The following TXNL4A variants were observed in gnomAD, a reference collection of about 807,000 sequenced individuals.
TXNL4A encodes the protein thioredoxin like 4A.
A neutral mutation model predicts 14.6 loss-of-function variants in TXNL4A; 17 were observed. That is an observed-to-expected ratio of 1.16 (90% CI 0.80 to 1.74). TXNL4A has a LOEUF of 1.74. Among genes scored for constraint, TXNL4A ranks in the 40% most tolerant of loss-of-function variants. The probability of loss-of-function intolerance (pLI) is 0.00; values close to 1 mark genes in which losing one functional copy is unlikely to be tolerated. For missense variants in TXNL4A, 74 were observed against 195.2 expected, an observed-to-expected ratio of 0.38 and a Z score of 3.70; for synonymous variants, 83 against 70.6, an observed-to-expected ratio of 1.18 and a Z score of -0.88.
chr18:80,019,579 T>A (rs1221250949), intron 1 of TXNL4A, among the ~76,000 whole-genome samples: 1 of 152,236 alleles, frequency 6.6e-6, no homozygotes, highest in Non-Finnish European at 1.5e-5. Context: ...GTGGCATTTC[T>A]GCCCAGGGAT....
chr18:80,017,537 A>G (rs1372004484), intron 1 of TXNL4A, among the ~76,000 whole-genome samples: 1 of 152,158 alleles, frequency 6.6e-6, no homozygotes, highest in African/African-American at 2.4e-5. Flanking sequence ...GATACGTCCC[A>G]TCAATACCTA....
rs908472368 is a variant in TXNL4A, at chr18:79,971,011, G to C, written c.*2674C>G. ...ACATCAAAAATAAAACTGCCCATTA[G>C]CTGTCACCTCCTATTTCCCCCTCCC... On this transcript the variant is annotated 3_prime_UTR_variant, in exon 3 of 3. Transcript: ENST00000269601. 1 of 153,506 alleles carries C rather than the reference G, an allele frequency of 6.5e-6. No individual in the cohort carries two copies. The allele number at this position is 153,506 out of a possible 1,614,324, so 9.5% of individuals were successfully genotyped here.
At chr18:79,981,659 G>A (rs1274029443) in intron 1 of TXNL4A, among the ~76,000 whole-genome samples, 2 of 152,212 alleles carry the variant, frequency 1.3e-5, no homozygotes, top group Non-Finnish European at 2.9e-5. Flanking sequence ...AGGACAAAGC[G>A]AGACTCCTTC....
rs139872549 is a variant in TXNL4A, at chr18:79,973,683, C to T, written c.*2G>A. ...CATTTATCCGCGCAGACTGAGGGCG[C>T]CTCAGTAGCGGTACTTGGTGGAGTA... On this transcript the variant is annotated 3_prime_UTR_variant, in exon 3 of 3. Transcript: ENST00000269601. The T allele has an allele frequency of 1.2e-6, 2 of 1,611,340 alleles. No homozygotes were observed. Among genetic ancestry groups the T allele is most frequent in the Non-Finnish European group, 1.7e-6 (2 of 1,178,860 alleles).
At chr18:80,019,034 G>GA (rs1489304675) in intron 1 of TXNL4A, among the ~76,000 whole-genome samples, 1 of 152,138 alleles carries the variant, frequency 6.6e-6, no homozygotes, top group East Asian at 1.9e-4. Context: ...AAGCCTCTAG[G>GA]AAGTTCCAAA....
chr18:79,978,640 C>G (rs561178088), intron 1 of TXNL4A, among the ~76,000 whole-genome samples: 1 of 151,700 alleles, frequency 6.6e-6, no homozygotes, highest in African/African-American at 2.4e-5. Context: ...ACTACAGGCA[C>G]GTACCATCAC....
At chr18:80,014,747 T>C (rs1423889768) in intron 1 of TXNL4A, among the ~76,000 whole-genome samples, 2 of 152,202 alleles carry the variant, frequency 1.3e-5, no homozygotes, top group Non-Finnish European at 2.9e-5. Context: ...AGTTTCCCAG[T>C]AGGGACTCTG....
chr18:79,982,646 G>C lies in TXNL4A; in HGVS notation c.154-4945C>G, dbSNP rs1411072696. ...ACCAGAAAGGACGATATGGGAACGG[G>C]GACACTGCAGGGGCTGAAGGACTGA... On this transcript the variant is annotated intron_variant, in intron 1 of 2. Coordinates refer to ENST00000269601, the MANE Select transcript of TXNL4A (RefSeq NM_006701.5). The surrounding 1 kb of genome is among the most constrained non-coding windows in gnomAD (Gnocchi z 4.0). Among the ~76,000 whole-genome samples, 1 of 152,206 alleles carries C rather than the reference G, an allele frequency of 6.6e-6. No individual in the cohort carries two copies. The highest frequency in any genetic ancestry group is 1.5e-5 in the Non-Finnish European group (1 of 68,042).
At chr18:79,995,930 G>T (rs1222795822) in intron 1 of TXNL4A, among the ~76,000 whole-genome samples, 1 of 151,740 alleles carries the variant, frequency 6.6e-6, no homozygotes, top group Admixed American at 6.6e-5. Flanking sequence ...GTGAAACCCC[G>T]TCTCTACTAA....
upstream of TXNL4A, among the ~76,000 whole-genome samples, chr18:79,990,727 A>G (rs1312596156): frequency 6.6e-6 from 1 of 152,264 alleles, no homozygotes; most frequent in African/African-American, 2.4e-5. Context: ...AACAAGATTT[A>G]TCGCCTTAAT....
At chr18:80,010,946 G>A (rs2051765672) in intron 1 of TXNL4A, among the ~76,000 whole-genome samples, 1 of 152,154 alleles carries the variant, frequency 6.6e-6, no homozygotes, top group Middle Eastern at 3.4e-3. Flanking sequence ...CTGTTGGGGA[G>A]GTTGGGCATT....
chr18:80,012,428 A>C (rs2051776177), intron 1 of TXNL4A, among the ~76,000 whole-genome samples: 1 of 152,286 alleles, frequency 6.6e-6, no homozygotes, highest in South Asian at 2.1e-4. Context: ...AAAATAACAC[A>C]CTGGGGACCA....
upstream of TXNL4A, among the ~76,000 whole-genome samples, chr18:79,989,134 T>A (rs1484713702): frequency 6.6e-6 from 1 of 152,132 alleles, no homozygotes; most frequent in Non-Finnish European, 1.5e-5. Context: ...TAATTTGTCT[T>A]TTTATAAAGA....
At chr18:79,984,708 T>C (rs993976314) in intron 1 of TXNL4A, among the ~76,000 whole-genome samples, 4 of 152,246 alleles carry the variant, frequency 2.6e-5, no homozygotes, top group African/African-American at 9.6e-5. Context: ...CTTGACCTCC[T>C]GAGCTCATAC....
At chr18:79,980,959 G>A (rs758891067) in intron 1 of TXNL4A, among the ~76,000 whole-genome samples, 2 of 152,198 alleles carry the variant, frequency 1.3e-5, no homozygotes, top group Non-Finnish European at 2.9e-5. Flanking sequence ...TTCCCGCAGC[G>A]TCCACAGTGA....
chr18:79,978,823 TATAG>T (rs922274649), intron 1 of TXNL4A, among the ~76,000 whole-genome samples: 24 of 151,780 alleles, frequency 1.6e-4, no homozygotes, highest in African/African-American at 4.4e-4. Context: ...TCCCCTTTCT[TATAG>T]ATATATATTT....
intron 1 of TXNL4A, among the ~76,000 whole-genome samples, chr18:79,999,307 G>A (rs1052047358): frequency 2.0e-5 from 3 of 151,948 alleles, no homozygotes; most frequent in Non-Finnish European, 4.4e-5. Context: ...AGGCCGAGGC[G>A]GGCGGATCAC....
intron 1 of TXNL4A, among the ~76,000 whole-genome samples, chr18:80,032,404 C>T (rs112740134): frequency 9.5e-4 from 144 of 152,270 alleles, no homozygotes; most frequent in African/African-American, 3.4e-3. Context: ...TTCACTTAGC[C>T]AAAGGGAAGA....
chr18:79,986,761 G>A, intron 1 of TXNL4A: 1 of 985,452 alleles, frequency 1.0e-6, no homozygotes, highest in Non-Finnish European at 1.2e-6. Flanking sequence ...CTGCAATGTA[G>A]AACAGTGAAA....
Sources: allele counts gnomAD v4.1 joint callset (sites outside exome capture counted in the v4.1 genomes callset), GRCh38; gene constraint gnomAD v4.1.1; non-coding constraint Gnocchi (gnomAD v3.1); transcripts MANE v1.5; gene names NCBI Gene and HGNC (gene_info 2026-07-23, HGNC 2026-07-21).